The following MAPT variants were observed in gnomAD, a reference collection of about 807,000 sequenced individuals.
MAPT encodes the protein microtubule associated protein tau.
Under a neutral mutation model 67.9 loss-of-function variants are expected in MAPT, and 34 were observed. The observed-to-expected ratio is 0.50, with a 90% CI of 0.38 to 0.67. The LOEUF is 0.67. Among genes scored for constraint, MAPT ranks in the 30% least tolerant of loss-of-function variants. The probability of loss-of-function intolerance (pLI) is 0.00; values close to 1 mark genes in which losing one functional copy is unlikely to be tolerated. For missense variants in MAPT, 881 were observed against 1,115.2 expected (o/e 0.79, Z 2.99); for synonymous variants, 456 against 464.5 (o/e 0.98, Z 0.23).
chr17:46,018,681 T>C lies in MAPT; in HGVS notation c.2237T>C (p.Ile746Thr), dbSNP rs1265827066. 4 of 1,614,208 alleles carry C rather than the reference T, an allele frequency of 2.5e-6. No homozygotes were observed. Among genetic ancestry groups the C allele is most frequent in the South Asian group, 1.1e-5 (1 of 91,084 alleles). The part of the protein sequence containing the change: ...LDFKDRVQSK[I>T]GSLDNITHVP... ...TTCAAGGACAGAGTCCAGTCGAAGA[T>C]TGGGTCCCTGGACAATATCACCCAC... Residue 746 changes from isoleucine (I) to threonine (T), a missense_variant, in exon 12 of 13, where the codon ATT becomes ACT. Ile to Thr is a moderately conservative substitution (Grantham distance 89). Transcript: ENST00000262410.
chr17:45,957,440 A>G (rs994788454), intron 1 of MAPT, among the ~76,000 whole-genome samples: 15 of 152,212 alleles, frequency 9.9e-5, no homozygotes, highest in African/African-American at 3.1e-4. Context: ...TGAGGGAATC[A>G]CATCTGTCTG....
chr17:45,919,302 C>T (rs948325199), intron 1 of MAPT, among the ~76,000 whole-genome samples: 2 of 152,088 alleles, frequency 1.3e-5, no homozygotes, highest in African/African-American at 4.8e-5. Context: ...CGATTGTGTT[C>T]TCACTTACAC....
At position 45,991,424 on chromosome 17, in the gene MAPT, A is replaced by G. The variant is rs781345591; in HGVS notation, c.1606-36A>G. 1.4e-5 allele frequency: 23 copies of G among 1,613,710 alleles called. No homozygotes were observed. In the Admixed American group the frequency reaches 2.7e-4, roughly 19 times the overall value. The stretch of plus-strand genomic sequence containing the variant: ...CTCTTGGTGGCAGTAACTTTTCCCA[A>G]TGGTGAAAAACCCCTCTATCATGTT... On this transcript the variant is annotated intron_variant, in intron 7 of 12. Coordinates refer to ENST00000262410, the MANE Select transcript of MAPT (RefSeq NM_001377265.1).
intron 1 of MAPT, among the ~76,000 whole-genome samples, chr17:45,947,954 TA>T (rs1275912124): frequency 1.3e-5 from 2 of 152,182 alleles, no homozygotes; most frequent in African/African-American, 4.8e-5. Flanking sequence ...TCCCATTCCC[TA>T]GGGCTAACCA....
rs553122920 is a variant in MAPT, at chr17:45,962,249, T to C, written c.-17-72T>C. On this transcript the variant is annotated intron_variant, in intron 1 of 12. Transcript: ENST00000262410. Reference sequence around the variant, plus strand: ...CCTGCCATGAACTGGGAGGAGAGGCTCCTCTCTCTCTTCACCCCCACTCTG... The same window carrying C: ...CCTGCCATGAACTGGGAGGAGAGGCCCCTCTCTCTCTTCACCCCCACTCTG... 2.4e-6 allele frequency: 3 copies of C among 1,272,186 alleles called. No homozygotes were observed. In the East Asian group the frequency reaches 7.3e-5, roughly 31 times the overall value. 78.8% of individuals were successfully genotyped at this position (1,272,186 alleles called of 1,614,324 possible).
chr17:46,001,450 TA>T (rs72322876), intron 9 of MAPT, among the ~76,000 whole-genome samples: 22,921 of 148,262 alleles, frequency 0.15, 2,222 homozygotes, highest in Non-Finnish European at 0.22. Context: ...ACTCCTAACT[TA>T]AAAAAAAAAA....
chr17:46,021,213 G>A (rs2076504969), intron 12 of MAPT, among the ~76,000 whole-genome samples: 1 of 152,256 alleles, frequency 6.6e-6, no homozygotes, highest in Non-Finnish European at 1.5e-5. Flanking sequence ...GAGGGCACTG[G>A]CCCGTAGCTG....
chr17:45,912,338 T>A (rs1272176876), intron 1 of MAPT, among the ~76,000 whole-genome samples: 1 of 152,222 alleles, frequency 6.6e-6, no homozygotes, highest in Non-Finnish European at 1.5e-5. Context: ...GTGGTTAAAT[T>A]AAGGATTTTG....
At chr17:45,916,715 G>C (rs1422594691) in intron 1 of MAPT, among the ~76,000 whole-genome samples, 1 of 152,222 alleles carries the variant, frequency 6.6e-6, no homozygotes, top group Non-Finnish European at 1.5e-5. Context: ...AGAAAAGTCT[G>C]CAGAGAGGTG....
chr17:45,941,820 T>A (rs1482979361), intron 1 of MAPT, among the ~76,000 whole-genome samples: 1 of 151,706 alleles, frequency 6.6e-6, no homozygotes, highest in Non-Finnish European at 1.5e-5. Flanking sequence ...GGTCTTTCTG[T>A]TGGATAATGG....
At chr17:45,903,447 C>T (rs1045064246) in intron 1 of MAPT, among the ~76,000 whole-genome samples, 3 of 151,860 alleles carry the variant, frequency 2.0e-5, no homozygotes, top group Non-Finnish European at 2.9e-5. Context: ...AGTCTGGGCG[C>T]GGTGGCTCAC....
chr17:45,910,208 C>T (rs1365328075), intron 1 of MAPT, among the ~76,000 whole-genome samples: 1 of 152,122 alleles, frequency 6.6e-6, no homozygotes, highest in Non-Finnish European at 1.5e-5. Flanking sequence ...TGGGAGGTCC[C>T]CCCACTCCCC....
intron 1 of MAPT, among the ~76,000 whole-genome samples, chr17:45,924,039 A>G (rs953022726): frequency 2.6e-5 from 4 of 152,234 alleles, no homozygotes; most frequent in African/African-American, 9.6e-5. Flanking sequence ...ACCCTTAAAT[A>G]CATTCTTTGT....
At chr17:46,002,102 G>T (rs966325636) in intron 9 of MAPT, among the ~76,000 whole-genome samples, 1 of 152,220 alleles carries the variant, frequency 6.6e-6, no homozygotes, top group Non-Finnish European at 1.5e-5. Flanking sequence ...GCACTAAGGG[G>T]TGTGAAGCTT....
At chr17:45,972,870 G>A (rs1379069940) in intron 3 of MAPT, 2 of 152,640 alleles carry the variant, frequency 1.3e-5, no homozygotes, top group Admixed American at 1.3e-4. Context: ...ATTGGCCAGA[G>A]CTGGGTCTTA....
intron 10 of MAPT, 44 bp from the exon 11 acceptor site, chr17:46,014,195 CCTCT>C (rs767747364): frequency 1.9e-6 from 2 of 1,060,806 alleles, no homozygotes; most frequent in East Asian, 2.4e-5. Flanking sequence ...TCTCTGTCTT[CCTCT>C]CTCTCTGCCT....
At chr17:45,955,220 A>G (rs2069504328) in intron 1 of MAPT, among the ~76,000 whole-genome samples, 1 of 151,798 alleles carries the variant, frequency 6.6e-6, no homozygotes, top group Non-Finnish European at 1.5e-5. Flanking sequence ...CCCATCCCCT[A>G]TTTCCCAACC....
In MAPT at chr17:45,996,622, C is replaced by A. The variant is rs753776994; in HGVS notation, c.1956C>A (p.Ile652=). 6.2e-7 allele frequency: 1 copy of A among 1,613,892 alleles called. No individual in the cohort carries two copies. The highest frequency in any genetic ancestry group is 8.5e-7 in the Non-Finnish European group (1 of 1,179,938). ...ACCTGAAGAATGTCAAGTCCAAGAT[C>A]GGCTCCACTGAGAACCTGAAGCACC... ...MPDLKNVKSK[I]GSTENLKHQP... is the part of the protein sequence containing the mutation. Residue 652 remains isoleucine (I), a synonymous_variant, in exon 9 of 13, where the codon ATC becomes ATA. Transcript: ENST00000262410. This position sits in a 1 kb window ranked among gnomAD's most constrained non-coding sequence, Gnocchi z 4.5.
rs2076733233 is a variant in MAPT, at chr17:46,024,729, G to A, written c.*558G>A. ...CGGGGGAGGCCGAGGCAGGGGCTGG[G>A]CAGAGGGGAGAGGAAGCACAAGAAG... On this transcript the variant is annotated 3_prime_UTR_variant, in exon 13 of 13. Transcript: ENST00000262410. The A allele has an allele frequency of 5.2e-6, 1 of 192,828 alleles. No individual in the cohort carries two copies. The highest frequency in any genetic ancestry group is 1.1e-5 in the Non-Finnish European group (1 of 91,590). 11.9% of individuals were successfully genotyped at this position (192,828 alleles called of 1,614,324 possible).
Sources: allele counts gnomAD v4.1 joint callset (sites outside exome capture counted in the v4.1 genomes callset), GRCh38; gene constraint gnomAD v4.1.1; non-coding constraint Gnocchi (gnomAD v3.1); transcripts MANE v1.5; gene names NCBI Gene and HGNC (gene_info 2026-07-23, HGNC 2026-07-21).